Variants in BRCA2 observed in about 807,000 individuals in gnomAD.
The protein encoded by BRCA2 is breast cancer type 2 susceptibility protein.
A neutral mutation model predicts 276.7 loss-of-function variants in BRCA2; 203 were observed. The ratio of observed to expected loss-of-function variants is 0.73; its 90% CI spans 0.65 to 0.82. The LOEUF is 0.82. Ranked by LOEUF, BRCA2 falls within the 40% of genes least tolerant of loss-of-function variation. The pLI is 0.00. For synonymous variants in BRCA2, 1,289 were observed against 1,338.4 expected, an observed-to-expected ratio of 0.96 and a Z score of 0.81; for missense variants, 3,920 against 3,915.0, an observed-to-expected ratio of 1.00 and a Z score of -0.03.
chr13:32,359,122 C>T (rs1417721988), intron 16 of BRCA2, among the ~76,000 whole-genome samples: 3 of 142,392 alleles, frequency 2.1e-5, no homozygotes, highest in African/African-American at 5.3e-5. Flanking sequence ...CTTGGGAGGC[C>T]GAGGCAGGAA....
chr13:32,318,685 G>A (rs1039970499), intron 2 of BRCA2, among the ~76,000 whole-genome samples: 1 of 152,058 alleles, frequency 6.6e-6, no homozygotes, highest in Non-Finnish European at 1.5e-5. Context: ...TGATCTGCTC[G>A]CCTCAGCCTC....
rs2137668738 is a variant in BRCA2, at chr13:32,398,852, T to A, written c.*82T>A. The A allele has an allele frequency of 6.7e-7, 1 of 1,494,690 alleles. No individual in the cohort carries two copies. Among genetic ancestry groups the A allele is most frequent in the Non-Finnish European group, 9.1e-7 (1 of 1,100,576 alleles). The allele number at this position is 1,494,690 out of a possible 1,614,324, so 92.6% of individuals were successfully genotyped here. ...TGGAATATAATTTCAAACCACACAT[T>A]AGTACTTATGTTGCACAATGAGAAA... is the stretch of plus-strand genomic sequence containing the variant. On this transcript the variant is annotated 3_prime_UTR_variant, in exon 27 of 27. Transcript: ENST00000380152.
rs1057520853 is a variant in BRCA2 at position 32,337,289 on chromosome 13, T to C, written c.2934T>C (p.Asn978=). Residue 978 remains asparagine (N), a synonymous_variant, in exon 11 of 27, where the codon AAT becomes AAC. Transcript: ENST00000380152. ...ATTTAAAATCGGACATCTCCTTGAA[T>C]ATAGATAAAATACCAGAAAAAAATA... is the stretch of plus-strand genomic sequence containing the variant. ...GQDLKSDISL[N]IDKIPEKNND... is the part of the protein sequence containing the mutation. 1 of 1,612,570 alleles carries C rather than the reference T, an allele frequency of 6.2e-7. No individual in the cohort carries two copies. Among genetic ancestry groups the C allele is most frequent in the Non-Finnish European group, 8.5e-7 (1 of 1,179,540 alleles).
Position 32,385,410 on chromosome 13 carries a change from G to A in BRCA2, c.9256+5265G>A, listed in dbSNP as rs572447464. 2.5e-4 allele frequency: 55 copies of A among 215,716 alleles called. 1 individual carries two copies. In the South Asian group the frequency reaches 4.5e-3, roughly 18 times the overall value. The allele number at this position is 215,716 out of a possible 1,614,324, so 13.4% of individuals were successfully genotyped here. A position where few individuals can be genotyped will look rare whatever the true frequency, so the allele number is the denominator to read the frequency against. ...GAGCTCTGGCCAATACGTCCATGCAGACCTTTGTCTTTGGATATGTCTTTG... is the reference window on the plus strand; with the variant it reads ...GAGCTCTGGCCAATACGTCCATGCAAACCTTTGTCTTTGGATATGTCTTTG... On this transcript the variant is annotated intron_variant, in intron 24 of 26. Transcript: ENST00000380152.
intron 13 of BRCA2, 35 bp from the exon 14 acceptor site, chr13:32,354,826 A>T (rs2137554881): frequency 7.4e-7 from 1 of 1,343,084 alleles, no homozygotes; most frequent in Non-Finnish European, 1.1e-6. Context: ...TATGTGTACT[A>T]GTCAATAAAC....
At chr13:32,331,838 T>C (rs1400001287) in intron 9 of BRCA2, among the ~76,000 whole-genome samples, 1 of 152,204 alleles carries the variant, frequency 6.6e-6, no homozygotes, top group Non-Finnish European at 1.5e-5. Context: ...GGATTTGATA[T>C]CTGTTTTTGT....
chr13:32,387,955 C>T (rs936268495), intron 24 of BRCA2, among the ~76,000 whole-genome samples: 12 of 152,102 alleles, frequency 7.9e-5, no homozygotes, highest in African/African-American at 2.7e-4. Flanking sequence ...CCCAGCCGTT[C>T]GGGCCGCTAC....
rs876659687 is a variant in BRCA2 at position 32,337,425 on chromosome 13, A to C, written c.3070A>C (p.Ile1024Leu). Residue 1024 changes from isoleucine to leucine, a missense_variant, in exon 11 of 27, where the codon ATT (isoleucine) becomes CTT (leucine). By Grantham distance (5) the Ile-to-Leu change is conservative (BLOSUM62 2). This residue lies in a region of BRCA2 where 3,263 missense variants were observed against 3,156.9 expected (regional missense o/e 1.03). Coordinates refer to ENST00000380152, the MANE Select transcript of BRCA2 (RefSeq NM_000059.4). ...NKEIKLSEHN[I>L]KKSKMFFKDI... ...GGAAATCAAGCTCTCTGAACATAAC[A>C]TTAAGAAGAGCAAAATGTTCTTCAA... The C allele has an allele frequency of 6.2e-7, 1 of 1,613,222 alleles. No homozygotes were observed. The highest frequency in any genetic ancestry group is 8.5e-7 in the Non-Finnish European group (1 of 1,179,516).
At chr13:32,387,967 G>A (rs982868823) in intron 24 of BRCA2, among the ~76,000 whole-genome samples, 4 of 152,042 alleles carry the variant, frequency 2.6e-5, no homozygotes, top group African/African-American at 7.2e-5. Flanking sequence ...GGCCGCTACC[G>A]GTCTCCCGCG....
chr13:32,331,593 C>T (rs755103133), intron 9 of BRCA2, among the ~76,000 whole-genome samples: 5 of 151,926 alleles, frequency 3.3e-5, no homozygotes, highest in Non-Finnish European at 7.4e-5. Context: ...AATTTGATTT[C>T]GATGACAGTA....
intron 21 of BRCA2, among the ~76,000 whole-genome samples, chr13:32,379,056 A>G (rs2072893218): frequency 6.6e-6 from 1 of 152,236 alleles, no homozygotes; most frequent in East Asian, 1.9e-4. Context: ...TTCAGATATT[A>G]GCCATCTGTA....
rs745588537 is a variant in BRCA2 at position 32,338,066 on chromosome 13, T to G, written c.3711T>G (p.Ala1237=). The G allele has an allele frequency of 1.9e-6, 3 of 1,611,718 alleles. No homozygotes were observed. The highest frequency in any genetic ancestry group is 2.5e-6 in the Non-Finnish European group (3 of 1,178,998). The part of the protein sequence containing the change: ...LNVSTEALQK[A]VKLFSDIENI... Reference sequence around the variant, plus strand: ...TTTCTACTGAAGCTCTGCAAAAAGCTGTGAAACTGTTTAGTGATATTGAGA... The same window carrying G: ...TTTCTACTGAAGCTCTGCAAAAAGCGGTGAAACTGTTTAGTGATATTGAGA... The change falls in exon 11 of 27, where the codon GCT becomes GCG. Residue 1237 remains alanine, a synonymous_variant. Coordinates refer to ENST00000380152, the MANE Select transcript of BRCA2 (RefSeq NM_000059.4).
intron 8 of BRCA2, among the ~76,000 whole-genome samples, chr13:32,329,899 A>G (rs1228188010): frequency 6.6e-6 from 1 of 152,208 alleles, no homozygotes; most frequent in Non-Finnish European, 1.5e-5. Context: ...GATTAACAAG[A>G]ACTAATAATA....
At chr13:32,324,593 G>A (rs376424175) in intron 3 of BRCA2, among the ~76,000 whole-genome samples, 4 of 152,096 alleles carry the variant, frequency 2.6e-5, no homozygotes, top group African/African-American at 9.7e-5. Flanking sequence ...CTGGTACATT[G>A]GTAGGTTTTC....
In BRCA2 at chr13:32,363,261, G is replaced by A. The variant is rs80359044; in HGVS notation, c.8059G>A (p.Val2687Ile). 2.5e-6 allele frequency: 4 copies of A among 1,614,078 alleles called. No homozygotes were observed. The East Asian group carries it at 6.7e-5, about 27-fold the overall frequency. Reference sequence around the variant, plus strand: ...GGATGACACAGCTGCAAAAACACTTGTTCTCTGTGTTTCTGACATAATTTC... The same window carrying A: ...GGATGACACAGCTGCAAAAACACTTATTCTCTGTGTTTCTGACATAATTTC... ...ERDDTAAKTL[V>I]LCVSDIISLS... Residue 2687 changes from valine (V) to isoleucine (I), a missense_variant, in exon 18 of 27, where the codon GTT becomes ATT. This residue lies in a region of BRCA2 where 3,263 missense variants were observed against 3,156.9 expected (regional missense o/e 1.03). Coordinates refer to ENST00000380152, the MANE Select transcript of BRCA2 (RefSeq NM_000059.4).
In BRCA2 at chr13:32,338,733, T is replaced by C. The variant is rs1555283754; in HGVS notation, c.4378T>C (p.Phe1460Leu). The C allele has an allele frequency of 6.2e-7, 1 of 1,600,354 alleles. No individual in the cohort carries two copies. The highest frequency in any genetic ancestry group is 1.7e-5 in the Admixed American group (1 of 59,014). The change falls in exon 11 of 27, where the codon TTT (phenylalanine) becomes CTT (leucine). Residue 1460 changes from phenylalanine (F) to leucine (L), a missense_variant. Phe to Leu is a conservative substitution (Grantham distance 22, BLOSUM62 0). This residue lies in a region of BRCA2 where 3,263 missense variants were observed against 3,156.9 expected (regional missense o/e 1.03). Transcript: ENST00000380152. The stretch of plus-strand genomic sequence containing the variant: ...TCAGAAACCAGAAGAATTGCATAAC[T>C]TTTCCTTAAATTCTGAATTACATTC... ...FDQKPEELHN[F>L]SLNSELHSDI...
At chr13:32,335,439 CAG>C (rs1328534242) in intron 10 of BRCA2, among the ~76,000 whole-genome samples, 4 of 150,876 alleles carry the variant, frequency 2.7e-5, no homozygotes, top group Admixed American at 2.6e-4. Flanking sequence ...AGAAATTTAA[CAG>C]AGCAGTTGAA....
chr13:32,319,872 A>C (rs1357065351), intron 3 of BRCA2, among the ~76,000 whole-genome samples: 1 of 152,246 alleles, frequency 6.6e-6, no homozygotes, highest in African/African-American at 2.4e-5. Flanking sequence ...GAGTACACAG[A>C]TAAAGTATAG....
intron 3 of BRCA2, among the ~76,000 whole-genome samples, chr13:32,324,323 G>A (rs866888328): frequency 6.6e-6 from 1 of 152,170 alleles, no homozygotes; most frequent in African/African-American, 2.4e-5. Context: ...GAAACAGCTT[G>A]TACAAAGTCC....
Sources: gnomAD v4.1 joint callset for allele counts (sites outside exome capture counted in the v4.1 genomes callset) on GRCh38, gnomAD v4.1.1 for gene constraint, gnomAD v4.1.1 regional missense constraint, MANE v1.5 for transcripts, NCBI Gene and HGNC (gene_info 2026-07-23, HGNC 2026-07-21) for gene names.